Variants in GRAMD1C observed in about 807,000 individuals in gnomAD.
The protein encoded by GRAMD1C is protein Aster-C.
GRAMD1C carries 89 observed loss-of-function variants against 97.8 expected under a neutral mutation model. The ratio of observed to expected loss-of-function variants is 0.91; its 90% confidence interval spans 0.77 to 1.09. GRAMD1C has a LOEUF of 1.09. Among genes scored for constraint, GRAMD1C ranks in the 50% least tolerant of loss-of-function variants. The pLI is 0.00. For missense variants in GRAMD1C, 740 were observed against 766.4 expected (o/e 0.97, Z 0.41); for synonymous variants, 256 against 267.0 (o/e 0.96, Z 0.40).
At position 113,933,550 on chromosome 3, in the gene GRAMD1C, G is replaced by A; in HGVS notation, c.1249G>A (p.Val417Ile). 1.9e-6 allele frequency: 3 copies of A among 1,610,780 alleles called. No homozygotes were observed. Among genetic ancestry groups the A allele is most frequent in the East Asian group, 2.2e-5 (1 of 44,852 alleles). The change falls in exon 12 of 18, where the codon GTA becomes ATA. Residue 417 changes from valine to isoleucine, a missense_variant. Coordinates refer to ENST00000358160, the MANE Select transcript of GRAMD1C (RefSeq NM_017577.5). ...AAGTCGGGAAGCACGATTTTATTTG[G>A]TAGATTCAGAAGTACTGACACATGA... ...KESREARFYL[V>I]DSEVLTHDVP...
intron 6 of GRAMD1C, among the ~76,000 whole-genome samples, chr3:113,893,129 G>A (rs1178793933): frequency 6.6e-6 from 1 of 152,036 alleles, no homozygotes; most frequent in Non-Finnish European, 1.5e-5. Flanking sequence ...GAGACCATAT[G>A]GCCCAAAAAG....
intron 10 of GRAMD1C, 93 bp from the exon 11 acceptor site, chr3:113,930,621 A>G (rs779146995): frequency 1.0e-5 from 7 of 700,698 alleles, no homozygotes; most frequent in Non-Finnish European, 1.8e-5. Context: ...TCAAAAATAG[A>G]AATTTTAATA....
chr3:113,889,648 T>G (rs1935639862), intron 6 of GRAMD1C, among the ~76,000 whole-genome samples: 1 of 152,094 alleles, frequency 6.6e-6, no homozygotes, highest in South Asian at 2.1e-4. Context: ...AGCCTCTTTT[T>G]TTTTTTTTCG....
intron 2 of GRAMD1C, among the ~76,000 whole-genome samples, chr3:113,849,880 C>A (rs1453494278): frequency 6.6e-6 from 1 of 151,926 alleles, no homozygotes; most frequent in African/African-American, 2.4e-5. Context: ...CGGGCAGAGG[C>A]GCCCCTCACC....
At chr3:113,902,140 A>G (rs1273631606) in intron 7 of GRAMD1C, among the ~76,000 whole-genome samples, 1 of 152,262 alleles carries the variant, frequency 6.6e-6, no homozygotes, top group Non-Finnish European at 1.5e-5. Context: ...GCTGTTATTT[A>G]GAAATTCTAT....
chr3:113,913,093 A>G, intron 9 of GRAMD1C: 1 of 1,279,292 alleles, frequency 7.8e-7, no homozygotes, highest in African/African-American at 1.5e-5. Flanking sequence ...GGCATGGATT[A>G]GTCATACGCT....
intron 6 of GRAMD1C, among the ~76,000 whole-genome samples, chr3:113,894,629 T>TG (rs1380280868): frequency 6.6e-6 from 1 of 152,156 alleles, no homozygotes; most frequent in African/African-American, 2.4e-5. Flanking sequence ...TGCCAGCACA[T>TG]GGGGGCTATG....
intron 5 of GRAMD1C, among the ~76,000 whole-genome samples, chr3:113,877,742 A>T (rs903621563): frequency 2.0e-5 from 3 of 151,842 alleles, no homozygotes; most frequent in African/African-American, 7.3e-5. Flanking sequence ...ACTTTAGTAT[A>T]ATCTGTTTTC....
At chr3:113,894,652 C>T (rs1389419853) in intron 6 of GRAMD1C, among the ~76,000 whole-genome samples, 1 of 152,138 alleles carries the variant, frequency 6.6e-6, no homozygotes, top group Admixed American at 6.5e-5. Flanking sequence ...GAAGCTAGCT[C>T]TCCTTGGAAA....
intron 10 of GRAMD1C, among the ~76,000 whole-genome samples, chr3:113,930,129 C>G (rs1273018429): frequency 2.0e-5 from 3 of 152,074 alleles, no homozygotes; most frequent in Non-Finnish European, 4.4e-5. Flanking sequence ...CAGGATCTTG[C>G]TATAAACATA....
rs1254814799 is a variant in GRAMD1C, at chr3:113,915,849, G to A, written c.1090+11G>A. ...CTAGAAATATAATAGGTTAGTCCTT[G>A]TGTTCTTACCTAATGATAAATTTGG... On this transcript the variant is annotated intron_variant, in intron 10 of 17. Transcript: ENST00000358160. 13 of 1,592,204 alleles carry A rather than the reference G, an allele frequency of 8.2e-6. No homozygotes were observed. Among genetic ancestry groups the A allele is most frequent in the Non-Finnish European group, 1.1e-5 (13 of 1,161,422 alleles).
intron 11 of GRAMD1C, among the ~76,000 whole-genome samples, chr3:113,932,997 T>G (rs1937495990): frequency 6.6e-6 from 1 of 151,830 alleles, no homozygotes; most frequent in South Asian, 2.1e-4. Flanking sequence ...TTCTCCTGCC[T>G]CAGCCTCCCA....
At chr3:113,881,254 A>G (rs945806814) in intron 5 of GRAMD1C, among the ~76,000 whole-genome samples, 2 of 152,174 alleles carry the variant, frequency 1.3e-5, no homozygotes, top group Admixed American at 1.3e-4. Flanking sequence ...TCCCGGGTTC[A>G]AGCGATTCTC....
chr3:113,893,732 G>T (rs545013286), intron 6 of GRAMD1C, among the ~76,000 whole-genome samples: 19 of 152,194 alleles, frequency 1.2e-4, no homozygotes, highest in African/African-American at 4.6e-4. Context: ...TAAATATTGC[G>T]CTTCCCTTAC....
At chr3:113,938,519 T>C (rs528301707) in intron 15 of GRAMD1C, 1 of 158,172 alleles carries the variant, frequency 6.3e-6, no homozygotes, top group South Asian at 1.9e-4. Context: ...AAATGGTTCT[T>C]ACGTAACTCT....
intron 5 of GRAMD1C, among the ~76,000 whole-genome samples, chr3:113,877,722 G>T (rs1172141587): frequency 1.3e-5 from 2 of 151,856 alleles, no homozygotes; most frequent in African/African-American, 4.8e-5. Flanking sequence ...GATTAAGGTG[G>T]TGTCTGCAGA....
intron 2 of GRAMD1C, among the ~76,000 whole-genome samples, chr3:113,845,372 G>GTA (rs1933563189): frequency 6.6e-6 from 1 of 152,166 alleles, no homozygotes; most frequent in Non-Finnish European, 1.5e-5. Flanking sequence ...GGTAAGGCAT[G>GTA]TATAGTTCCA....
In GRAMD1C at chr3:113,932,373, C is replaced by A. The variant is rs139698491; in HGVS notation, c.1210-1138C>A. Among the ~76,000 whole-genome samples, 1,184 of 152,186 alleles carry A rather than the reference C, an allele frequency of 7.8e-3. 17 individuals carry two copies. Among genetic ancestry groups the A allele is most frequent in the African/African-American group, 0.027 (1,138 of 41,506 alleles). ...GAAAACTTTGGAAGCCCCCCCAACC[C>A]CCTTACAGGATAGGTAGAAAAGGTA... On this transcript the variant is annotated intron_variant, in intron 11 of 17. Transcript: ENST00000358160.
rs1936125024 is a variant in GRAMD1C, at chr3:113,900,476, A to C, written c.541-555A>C. Reference sequence around the variant, plus strand: ...CGCTCTGTCACCCAGGCTGGAGTGCAGTGGCACAATCTTGGCTCACTGCAA... The same window carrying C: ...CGCTCTGTCACCCAGGCTGGAGTGCCGTGGCACAATCTTGGCTCACTGCAA... On this transcript the variant is annotated intron_variant, in intron 6 of 17. Coordinates refer to ENST00000358160, the MANE Select transcript of GRAMD1C (RefSeq NM_017577.5). Among the ~76,000 whole-genome samples, 5 of 147,116 alleles carry C rather than the reference A, an allele frequency of 3.4e-5. No homozygotes were observed. The South Asian group carries it at 1.2e-3, about 34-fold the overall frequency.
Sources: gnomAD v4.1 joint callset for allele counts (sites outside exome capture counted in the v4.1 genomes callset) on GRCh38, gnomAD v4.1.1 for gene constraint, MANE v1.5 for transcripts, NCBI Gene and HGNC (gene_info 2026-07-23, HGNC 2026-07-21) for gene names.